CASKIN1: variants seen among roughly 807,000 people sequenced by gnomAD.
The protein encoded by CASKIN1 is CASK interacting protein 1, also known as caskin-1.
CASKIN1 carries 42 observed loss-of-function variants against 117.5 expected under a neutral mutation model. The observed-to-expected ratio is 0.36, with a 90% CI of 0.28 to 0.46. The LOEUF is 0.46. CASKIN1 is among the 20% of genes least tolerant of loss of function. The probability of loss-of-function intolerance (pLI) is 1.00; values close to 1 mark genes in which losing one functional copy is unlikely to be tolerated. For synonymous variants in CASKIN1, 1,148 were observed against 961.7 expected, an observed-to-expected ratio of 1.19 and a Z score of -3.59; for missense variants, 2,083 against 2,077.3, an observed-to-expected ratio of 1.00 and a Z score of -0.05.
chr16:2,179,354 C>T lies in CASKIN1; in HGVS notation c.3776-29G>A, dbSNP rs983339328. ...CGGGGAGGACCACGCTGGCACCGAG[C>T]GGGCACGAGTTCCGCCGCCGCGCCC... On this transcript the variant is annotated intron_variant, in intron 18 of 19. Transcript: ENST00000343516. This position sits in a 1 kb window ranked among gnomAD's most constrained non-coding sequence, Gnocchi z 5.8. 6.6e-4 allele frequency: 868 copies of T among 1,322,718 alleles called. No individual in the cohort carries two copies. The highest frequency in any genetic ancestry group is 7.9e-4 in the Non-Finnish European group (825 of 1,042,494). 81.9% of individuals were successfully genotyped at this position (1,322,718 alleles called of 1,614,324 possible).
At chr16:2,189,374 C>G (rs1380686099) in intron 4 of CASKIN1, 41 bp from the exon 5 acceptor site, 2 of 1,610,194 alleles carry the variant, frequency 1.2e-6, no homozygotes, top group African/African-American at 2.7e-5. Flanking sequence ...CATCCTCAGG[C>G]CGCGCTGCCC....
chr16:2,184,033 G>A, intron 14 of CASKIN1, 92 bp from the exon 15 acceptor site: 2 of 812,926 alleles, frequency 2.5e-6, no homozygotes, highest in South Asian at 1.7e-5. Flanking sequence ...GGCCAGCCGT[G>A]CAGCCACTGC....
chr16:2,195,101 G>A (rs2093211814), intron 1 of CASKIN1, among the ~76,000 whole-genome samples: 1 of 152,216 alleles, frequency 6.6e-6, no homozygotes, highest in South Asian at 2.1e-4. Flanking sequence ...GCTCAGCTGA[G>A]GCTGCCTCTG....
intron 17 of CASKIN1, 80 bp from the exon 18 acceptor site, chr16:2,181,679 G>C: frequency 6.8e-7 from 1 of 1,469,556 alleles, no homozygotes; most frequent in Admixed American, 2.0e-5. Context: ...GGCTGGGCTG[G>C]GCTTGGGGCC....
Position 2,178,328 on chromosome 16 carries a change from C to T in CASKIN1, c.*222G>A. The T allele has an allele frequency of 2.2e-6, 1 of 448,046 alleles. No individual in the cohort carries two copies. The highest frequency in any genetic ancestry group is 3.0e-5 in the South Asian group (1 of 33,478). The allele number at this position is 448,046 out of a possible 1,614,324, so 27.8% of individuals were successfully genotyped here. ...CCAGCAGGTATTGCACGGGGAGCAG[C>T]AGGTGGGGAGGACCCGCGGGCGCAG... On this transcript the variant is annotated 3_prime_UTR_variant, in exon 20 of 20. Coordinates refer to ENST00000343516, the MANE Select transcript of CASKIN1 (RefSeq NM_020764.4).
chr16:2,187,107 G>T, intron 8 of CASKIN1, 35 bp from the exon 9 acceptor site: 1 of 1,612,720 alleles, frequency 6.2e-7, no homozygotes, highest in Non-Finnish European at 8.5e-7. Flanking sequence ...GAAGTCCTGC[G>T]GGCTGATCTG....
intron 10 of CASKIN1, 62 bp downstream of exon 10, chr16:2,186,645 G>A (rs1002964140): frequency 1.0e-5 from 15 of 1,453,274 alleles, no homozygotes; most frequent in South Asian, 3.6e-5. Context: ...CAGCACACTC[G>A]CTGCTTCCAG....
chr16:2,183,856 G>T lies in CASKIN1; in HGVS notation c.1502C>A (p.Pro501His). 1 of 1,612,902 alleles carries T rather than the reference G, an allele frequency of 6.2e-7. No homozygotes were observed. Among genetic ancestry groups the T allele is most frequent in the Non-Finnish European group, 8.5e-7 (1 of 1,179,788 alleles). Reference protein sequence around the residue: ...PNFISAGYDLPTISRMTPEDL... With the variant: ...PNFISAGYDLHTISRMTPEDL... ...CTCGGGAGTCATGCGGCTGATGGTG[G>T]GCAGGTCGTAGCCGGCGCTGATGAA... Residue 501 changes from proline to histidine, a missense_variant, in exon 15 of 20, where the codon CCC (proline) becomes CAC (histidine). Physicochemically the swap from Pro to His is moderately conservative, Grantham distance 77 (BLOSUM62 -2). Coordinates refer to ENST00000343516, the MANE Select transcript of CASKIN1 (RefSeq NM_020764.4).
At chr16:2,195,085 C>T (rs1354848027) in intron 1 of CASKIN1, among the ~76,000 whole-genome samples, 1 of 152,208 alleles carries the variant, frequency 6.6e-6, no homozygotes, top group Non-Finnish European at 1.5e-5. Context: ...TACACCTGCT[C>T]TCCAGGCTCA....
Position 2,187,272 on chromosome 16 carries a change from G to A in CASKIN1, c.729C>T (p.Ser243=), listed in dbSNP as rs147847295. ...KTEVVRLLLD[S]GINAHVRNTY... ...TGTTCCTCACGTGGGCATTGATCCC[G>A]CTCTGCACATGTGAGAGATGAGGCT... Residue 243 remains serine (S), a splice_region_variant and synonymous_variant, in exon 8 of 20, where the codon AGC becomes AGT. Transcript: ENST00000343516. 75 of 1,613,988 alleles carry A rather than the reference G, an allele frequency of 4.6e-5. No individual in the cohort carries two copies. Among genetic ancestry groups the A allele is most frequent in the East Asian group, 2.7e-4 (12 of 44,860 alleles).
chr16:2,192,481 C>CT (rs1318087880), intron 1 of CASKIN1, among the ~76,000 whole-genome samples: 1 of 152,034 alleles, frequency 6.6e-6, no homozygotes, highest in Non-Finnish European at 1.5e-5. Context: ...TCTCAGTTAT[C>CT]ATTACTTCCC....
rs2093195317 is a variant in CASKIN1 at position 2,189,648 on chromosome 16, T to TTGG, written c.245-85_245-84insCCA. Reference sequence around the variant, plus strand: ...TAGGGGGGTGCTGGGACCTGACCCCTGACCCCAAGTCCAACCCTGGGGGGT... The same window carrying TTGG: ...TAGGGGGGTGCTGGGACCTGACCCCTTGGGACCCCAAGTCCAACCCTGGGGGGT... On this transcript the variant is annotated intron_variant, in intron 3 of 19. Coordinates refer to ENST00000343516, the MANE Select transcript of CASKIN1 (RefSeq NM_020764.4). 4.9e-5 allele frequency: 70 copies of TTGG among 1,417,550 alleles called. No individual in the cohort carries two copies. In the South Asian group the frequency reaches 8.8e-4, roughly 18 times the overall value. 87.8% of individuals were successfully genotyped at this position (1,417,550 alleles called of 1,614,324 possible). A position where few individuals can be genotyped will look rare whatever the true frequency, so the allele number is the denominator to read the frequency against.
At chr16:2,192,549 T>C (rs951382034) in intron 1 of CASKIN1, among the ~76,000 whole-genome samples, 6 of 152,156 alleles carry the variant, frequency 3.9e-5, no homozygotes, top group African/African-American at 1.4e-4. Flanking sequence ...TCGGCTGCCC[T>C]GTCCAAGGCC....
chr16:2,192,903 T>G (rs1373428606), intron 1 of CASKIN1, among the ~76,000 whole-genome samples: 9 of 152,186 alleles, frequency 5.9e-5, no homozygotes, highest in African/African-American at 2.2e-4. Context: ...ATCGATCTCC[T>G]CATCCCCCAC....
At position 2,177,401 on chromosome 16, in the gene CASKIN1, G is replaced by A. The variant is rs923050277; in HGVS notation, c.*1149C>T. 3 of 232,530 alleles carry A rather than the reference G, an allele frequency of 1.3e-5. No homozygotes were observed. Among genetic ancestry groups the A allele is most frequent in the Non-Finnish European group, 2.5e-5 (3 of 117,654 alleles). 14.4% of individuals were successfully genotyped at this position (232,530 alleles called of 1,614,324 possible). Reference sequence around the variant, plus strand: ...CCTCCACCCGCCCCACACCACAATCGCTGGTTTTCGGCATTTTTTAAATTT... The same window carrying A: ...CCTCCACCCGCCCCACACCACAATCACTGGTTTTCGGCATTTTTTAAATTT... On this transcript the variant is annotated 3_prime_UTR_variant, in exon 20 of 20. Coordinates refer to ENST00000343516, the MANE Select transcript of CASKIN1 (RefSeq NM_020764.4).
At chr16:2,192,782 C>G (rs1262867689) in intron 1 of CASKIN1, among the ~76,000 whole-genome samples, 1 of 152,194 alleles carries the variant, frequency 6.6e-6, no homozygotes, top group Non-Finnish European at 1.5e-5. Flanking sequence ...ATCTCCATCA[C>G]TCAACTACCA....
intron 6 of CASKIN1, among the ~76,000 whole-genome samples, chr16:2,187,806 A>C (rs1312411721): frequency 6.6e-6 from 1 of 150,774 alleles, no homozygotes; most frequent in African/African-American, 2.5e-5. Context: ...TTTTTAGTAG[A>C]GACGGGGTTT....
At position 2,180,862 on chromosome 16, in the gene CASKIN1, G is replaced by T; in HGVS notation, c.2506C>A (p.Leu836Met). The T allele has an allele frequency of 7.1e-7, 1 of 1,413,192 alleles. No individual in the cohort carries two copies. 87.5% of individuals were successfully genotyped at this position (1,413,192 alleles called of 1,614,324 possible). A position where few individuals can be genotyped will look rare whatever the true frequency, so the allele number is the denominator to read the frequency against. ...ACCTCGCCCTCCACGGGCTGGGGCAGCACGTAGGCAAAGCCGCGGTGCGTC... is the reference window on the plus strand; with the variant it reads ...ACCTCGCCCTCCACGGGCTGGGGCATCACGTAGGCAAAGCCGCGGTGCGTC... The part of the protein sequence containing the change: ...SPTHRGFAYV[L>M]PQPVEGEVGP... Residue 836 changes from leucine to methionine, a missense_variant, in exon 18 of 20, where the codon CTG (leucine) becomes ATG (methionine). Transcript: ENST00000343516.
chr16:2,180,854 C>T lies in CASKIN1; in HGVS notation c.2514G>A (p.Gln838=), dbSNP rs560740767. Residue 838 remains glutamine (Q), a synonymous_variant, in exon 18 of 20, where the codon CAG becomes CAA. Coordinates refer to ENST00000343516, the MANE Select transcript of CASKIN1 (RefSeq NM_020764.4). ...THRGFAYVLP[Q]PVEGEVGPAA... ...CCGGCCCCACCTCGCCCTCCACGGGCTGGGGCAGCACGTAGGCAAAGCCGC... is the reference window on the plus strand; with the variant it reads ...CCGGCCCCACCTCGCCCTCCACGGGTTGGGGCAGCACGTAGGCAAAGCCGC... The T allele has an allele frequency of 2.0e-4, 276 of 1,406,848 alleles. No individual in the cohort carries two copies. Among genetic ancestry groups the T allele is most frequent in the Non-Finnish European group, 2.5e-4 (271 of 1,088,150 alleles). 87.1% of individuals were successfully genotyped at this position (1,406,848 alleles called of 1,614,324 possible). A position where few individuals can be genotyped will look rare whatever the true frequency, so the allele number is the denominator to read the frequency against.
Sources: gnomAD v4.1 joint callset for allele counts (sites outside exome capture counted in the v4.1 genomes callset) on GRCh38, gnomAD v4.1.1 for gene constraint, Gnocchi (gnomAD v3.1) non-coding constraint, MANE v1.5 for transcripts, NCBI Gene and HGNC (gene_info 2026-07-23, HGNC 2026-07-21) for gene names.